Variants in ATF3 observed in about 807,000 individuals in gnomAD.
The protein encoded by ATF3 is activating transcription factor 3, also known as cyclic AMP-dependent transcription factor ATF-3.
In ATF3, 10 loss-of-function variants were observed where a neutral mutation model predicts 18.4. That is an observed-to-expected ratio of 0.54 (90% confidence interval 0.34 to 0.92). The LOEUF is 0.92. ATF3 is among the 40% of genes least tolerant of loss of function. The pLI is 0.02. For missense variants in ATF3, 183 were observed against 222.3 expected (o/e 0.82, Z 1.12); for synonymous variants, 78 against 87.9 (o/e 0.89, Z 0.63).
intron 1 of ATF3, among the ~76,000 whole-genome samples, chr1:212,594,883 G>A (rs576467398): frequency 6.6e-6 from 1 of 152,286 alleles, no homozygotes; most frequent in Admixed American, 6.5e-5. Flanking sequence ...TAACCCATTG[G>A]CTGATTGCCT....
At chr1:212,583,946 T>C (rs1338556465) in intron 1 of ATF3, among the ~76,000 whole-genome samples, 1 of 152,088 alleles carries the variant, frequency 6.6e-6, no homozygotes, top group African/African-American at 2.4e-5. Flanking sequence ...CTGGGCTCTC[T>C]CCCACAGATA....
intron 1 of ATF3, among the ~76,000 whole-genome samples, chr1:212,569,702 A>G (rs919083020): frequency 6.6e-6 from 1 of 150,754 alleles, no homozygotes; most frequent in Non-Finnish European, 1.5e-5. Context: ...TAATGATTGT[A>G]CAGGAGTTCC....
At position 212,615,260 on chromosome 1, in the gene ATF3, A is replaced by C. The variant is rs1266578266; in HGVS notation, c.239A>C (p.Glu80Ala). 3.7e-6 allele frequency: 6 copies of C among 1,609,646 alleles called. No individual in the cohort carries two copies. The highest frequency in any genetic ancestry group is 5.1e-6 in the Non-Finnish European group (6 of 1,179,708). Reference protein sequence around the residue: ...RPLGVSITKAEVAPEEDERKK... With the variant: ...RPLGVSITKAAVAPEEDERKK... ...CTCGGGGTGTCCATCACAAAAGCCG[A>C]GGTGGGTTCTATCACAGGTATTCAT... The change falls in exon 2 of 4, where the codon GAG (glutamate) becomes GCG (alanine). Residue 80 changes from glutamate to alanine, a missense_variant and splice_region_variant. Transcript: ENST00000341491.
At chr1:212,587,612 A>G (rs1300830553) in intron 1 of ATF3, among the ~76,000 whole-genome samples, 1 of 152,236 alleles carries the variant, frequency 6.6e-6, no homozygotes, top group Non-Finnish European at 1.5e-5. Flanking sequence ...CTTAAAACAC[A>G]GGGCAGAAAA....
chr1:212,613,042 G>A (rs1035777752), intron 1 of ATF3, among the ~76,000 whole-genome samples: 1 of 152,182 alleles, frequency 6.6e-6, no homozygotes, highest in Non-Finnish European at 1.5e-5. Context: ...AAAAAGCCAC[G>A]GGGAGGTACA....
intron 1 of ATF3, among the ~76,000 whole-genome samples, chr1:212,603,240 C>T (rs1403585737): frequency 6.6e-6 from 1 of 152,230 alleles, no homozygotes. Context: ...CAGGGAGAAG[C>T]ACAGCCTGGC....
chr1:212,580,919 C>T (rs569585416), intron 1 of ATF3, among the ~76,000 whole-genome samples: 1 of 152,268 alleles, frequency 6.6e-6, no homozygotes, highest in Non-Finnish European at 1.5e-5. Flanking sequence ...CAGGTGCCCC[C>T]CACCATGCCC....
chr1:212,581,437 T>G (rs1252592662), intron 1 of ATF3, among the ~76,000 whole-genome samples: 1 of 152,226 alleles, frequency 6.6e-6, no homozygotes, highest in African/African-American at 2.4e-5. Context: ...CTGAGTGAAC[T>G]GCATGAACCC....
upstream of ATF3, among the ~76,000 whole-genome samples, chr1:212,608,219 G>C (rs1156684482): frequency 6.6e-6 from 1 of 152,212 alleles, no homozygotes; most frequent in Non-Finnish European, 1.5e-5. Context: ...GTGGGGGAGG[G>C]GGTATTTTCC....
Position 212,618,945 on chromosome 1 carries a change from TTG to T in ATF3, c.349-407_349-406del. 3 of 1,475,696 alleles carry T rather than the reference TTG, an allele frequency of 2.0e-6. No homozygotes were observed. The highest frequency in any genetic ancestry group is 2.8e-6 in the Non-Finnish European group (3 of 1,061,742). The allele number at this position is 1,475,696 out of a possible 1,614,324, so 91.4% of individuals were successfully genotyped here. ...GGGGATCAGTGAAAATTAGGGAATT[TTG>T]TGTGTTGCTATATACATTTTTTCTG... On this transcript the variant is annotated intron_variant, in intron 3 of 3. Transcript: ENST00000341491. This position sits in a 1 kb window ranked among gnomAD's most constrained non-coding sequence, Gnocchi z 4.4.
chr1:212,609,387 G>GC (rs1290003180), intron 1 of ATF3, among the ~76,000 whole-genome samples: 10 of 140,372 alleles, frequency 7.1e-5, no homozygotes, highest in Non-Finnish European at 9.4e-5. Flanking sequence ...GGGGGGGGGG[G>GC]GCGCAGAGAG....
At chr1:212,580,152 G>A (rs1051617706) in intron 1 of ATF3, among the ~76,000 whole-genome samples, 1 of 145,878 alleles carries the variant, frequency 6.9e-6, no homozygotes, top group African/African-American at 2.7e-5. Context: ...GCTAGACTCC[G>A]TCTCAAAAAA....
intron 1 of ATF3, among the ~76,000 whole-genome samples, chr1:212,574,201 A>C (rs867844668): frequency 6.6e-6 from 1 of 151,838 alleles, no homozygotes; most frequent in African/African-American, 2.4e-5. Context: ...CTTTTAGTAC[A>C]ACTTTCATAT....
upstream of ATF3, among the ~76,000 whole-genome samples, chr1:212,605,495 T>C (rs1438908651): frequency 6.6e-6 from 1 of 152,248 alleles, no homozygotes; most frequent in Non-Finnish European, 1.5e-5. Flanking sequence ...GCAGATCTTA[T>C]CTTGTGTTTC....
intron 1 of ATF3, among the ~76,000 whole-genome samples, chr1:212,614,282 C>A (rs1167467124): frequency 2.0e-5 from 3 of 152,200 alleles, no homozygotes; most frequent in East Asian, 3.8e-4. Flanking sequence ...GAACAACTCC[C>A]CCACAATACA....
Position 212,583,812 on chromosome 1 carries a change from G to A in ATF3, c.-5+18329G>A, listed in dbSNP as rs991532195. Among the ~76,000 whole-genome samples the A allele has an allele frequency of 3.3e-5, 5 of 152,192 alleles. No homozygotes were observed. The East Asian group carries it at 7.7e-4, about 23-fold the overall frequency. ...GTAATCGGAGAATAACAACACTCCC[G>A]CTGGGCATCAGTTTCCTTTTTTTAA... On this transcript the variant is annotated intron_variant, in intron 1 of 3. Transcript: ENST00000366981.
chr1:212,587,418 G>A (rs1444232354), intron 1 of ATF3, among the ~76,000 whole-genome samples: 1 of 152,174 alleles, frequency 6.6e-6, no homozygotes, highest in East Asian at 1.9e-4. Flanking sequence ...TGACTTGTGA[G>A]TGGGCTTTTG....
At chr1:212,612,691 G>A (rs1654946164) in intron 1 of ATF3, among the ~76,000 whole-genome samples, 1 of 152,210 alleles carries the variant, frequency 6.6e-6, no homozygotes, top group African/African-American at 2.4e-5. Context: ...TACATACATA[G>A]CCTGGGTTTC....
intron 1 of ATF3, among the ~76,000 whole-genome samples, chr1:212,609,632 C>T (rs912112342): frequency 2.0e-5 from 3 of 152,208 alleles, no homozygotes; most frequent in Admixed American, 2.0e-4. Context: ...GGGGAGGGCT[C>T]CCGGCAACGG....
Sources: allele counts gnomAD v4.1 joint callset (sites outside exome capture counted in the v4.1 genomes callset), GRCh38; gene constraint gnomAD v4.1.1; non-coding constraint Gnocchi (gnomAD v3.1); transcripts MANE v1.5; gene names NCBI Gene and HGNC (gene_info 2026-07-23, HGNC 2026-07-21).